The following NPAS2 variants were observed in gnomAD, a reference collection of about 807,000 sequenced individuals.
The protein encoded by NPAS2 is neuronal PAS domain-containing protein 2.
A neutral mutation model predicts 107.5 loss-of-function variants in NPAS2; 23 were observed. That is an observed-to-expected ratio of 0.21 (90% confidence interval 0.15 to 0.30). NPAS2 has a LOEUF of 0.30. Ranked by LOEUF, NPAS2 falls within the 10% of genes least tolerant of loss-of-function variation. The probability of loss-of-function intolerance (pLI) is 1.00; values close to 1 mark genes in which losing one functional copy is unlikely to be tolerated. For missense variants in NPAS2, 756 were observed against 1,043.3 expected, an observed-to-expected ratio of 0.72 and a Z score of 3.79; for synonymous variants, 403 against 417.5, an observed-to-expected ratio of 0.97 and a Z score of 0.42.
At chr2:100,845,023 G>A (rs1677686136) in intron 1 of NPAS2, among the ~76,000 whole-genome samples, 1 of 152,120 alleles carries the variant, frequency 6.6e-6, no homozygotes, top group African/African-American at 2.4e-5. Context: ...GGCAGGGGGT[G>A]GGAAAGCCTC....
chr2:100,826,200 T>A (rs1399504406), intron 1 of NPAS2, among the ~76,000 whole-genome samples: 1 of 152,164 alleles, frequency 6.6e-6, no homozygotes, highest in East Asian at 1.9e-4. Flanking sequence ...TCCCAGCACT[T>A]TGGGAGGCCG....
At chr2:100,964,582 G>T (rs974329874) in intron 8 of NPAS2, among the ~76,000 whole-genome samples, 2 of 152,172 alleles carry the variant, frequency 1.3e-5, no homozygotes, top group African/African-American at 4.8e-5. Flanking sequence ...TTCAGATTCC[G>T]ATGAAAAGCC....
At chr2:100,908,371 C>T (rs1052317924) in intron 2 of NPAS2, among the ~76,000 whole-genome samples, 2 of 152,088 alleles carry the variant, frequency 1.3e-5, no homozygotes, top group African/African-American at 4.8e-5. Context: ...ACAACACCTC[C>T]TCACAAAATA....
intron 16 of NPAS2, chr2:100,984,374 C>T (rs1321500260): frequency 6.6e-6 from 1 of 152,160 alleles, no homozygotes; most frequent in Non-Finnish European, 1.5e-5. Flanking sequence ...CCAGCCCACC[C>T]CCAAAAGTAG....
intron 2 of NPAS2, among the ~76,000 whole-genome samples, chr2:100,907,680 C>T (rs561620722): frequency 7.9e-5 from 12 of 152,260 alleles, no homozygotes; most frequent in African/African-American, 2.9e-4. Flanking sequence ...ACTCTCATTG[C>T]CTCCAGAAAA....
At chr2:100,922,209 G>A (rs916661843) in intron 2 of NPAS2, among the ~76,000 whole-genome samples, 1 of 152,146 alleles carries the variant, frequency 6.6e-6, no homozygotes, top group African/African-American at 2.4e-5. Flanking sequence ...CTTGATTTTG[G>A]TGGTAGTTAC....
intron 5 of NPAS2, among the ~76,000 whole-genome samples, chr2:100,939,560 T>C (rs1468753638): frequency 4.6e-5 from 7 of 152,068 alleles, no homozygotes; most frequent in Non-Finnish European, 7.4e-5. Flanking sequence ...GATCTGAGGG[T>C]GTCTGAGGAC....
At chr2:100,912,780 G>GT (rs1247170333) in intron 2 of NPAS2, among the ~76,000 whole-genome samples, 1 of 152,218 alleles carries the variant, frequency 6.6e-6, no homozygotes, top group African/African-American at 2.4e-5. Flanking sequence ...GCCAAACATT[G>GT]TCACTGCTGC....
rs1676159951 is a variant in NPAS2 at position 100,965,468 on chromosome 2, A to G, written c.801-192A>G. ...TATGCCAAGGGAAAGGAGTATCTAT[A>G]TGCCAAAAAAAAAAGCTGAGCCCTT... On this transcript the variant is annotated intron_variant, in intron 9 of 20. Coordinates refer to ENST00000335681, the MANE Select transcript of NPAS2 (RefSeq NM_002518.4). The surrounding 1 kb of genome is among the most constrained non-coding windows in gnomAD (Gnocchi z 4.3). Among the ~76,000 whole-genome samples, 1 of 65,998 alleles carries G rather than the reference A, an allele frequency of 1.5e-5. No homozygotes were observed. The highest frequency in any genetic ancestry group is 1.5e-4 in the Admixed American group (1 of 6,892). The allele number at this position is 65,998 out of a possible 152,430, so 43.3% of individuals were successfully genotyped here.
chr2:100,858,287 G>T (rs1678712043), intron 1 of NPAS2, among the ~76,000 whole-genome samples: 1 of 152,190 alleles, frequency 6.6e-6, no homozygotes, highest in Non-Finnish European at 1.5e-5. Flanking sequence ...GAAAGAAAGT[G>T]ATTTGCCAGG....
chr2:100,971,113 G>A, intron 12 of NPAS2, 39 bp downstream of exon 12: 1 of 1,593,790 alleles, frequency 6.3e-7, no homozygotes, highest in Non-Finnish European at 8.6e-7. Context: ...GCAAAGGTTG[G>A]CTAGGAAGAA....
chr2:100,822,678 CTTCT>C (rs1427784621), intron 1 of NPAS2: 4 of 152,132 alleles, frequency 2.6e-5, no homozygotes, highest in Admixed American at 6.5e-5. Context: ...AGGGCTAAGT[CTTCT>C]TTCTTAATTT....
rs182378033 is a variant in NPAS2, at chr2:100,965,122, A to G, written c.800+179A>G. ...GTTTCCCTCCAACTTCATCTGCCCC[A>G]TCGTGAATATGTTCTGTGTTTGGGT... On this transcript the variant is annotated intron_variant, in intron 9 of 20. Coordinates refer to ENST00000335681, the MANE Select transcript of NPAS2 (RefSeq NM_002518.4). This position sits in a 1 kb window ranked among gnomAD's most constrained non-coding sequence, Gnocchi z 4.3. 5.6e-4 allele frequency among the ~76,000 whole-genome samples: 86 copies of G among 152,228 alleles called. No homozygotes were observed. The highest frequency in any genetic ancestry group is 1.2e-3 in the South Asian group (6 of 4,814).
intron 1 of NPAS2, among the ~76,000 whole-genome samples, chr2:100,850,876 C>T (rs1400108544): frequency 1.4e-5 from 2 of 140,176 alleles, no homozygotes; most frequent in Non-Finnish European, 3.0e-5. Context: ...TCACTTGAAC[C>T]CAGGAGGTGG....
chr2:100,934,720 G>A (rs1478129029), intron 4 of NPAS2: 1 of 905,086 alleles, frequency 1.1e-6, no homozygotes, highest in East Asian at 1.2e-4. Flanking sequence ...GAGCCTTCTA[G>A]CATCTCCTCC....
chr2:100,972,704 C>G (rs1436727211), intron 12 of NPAS2: 2 of 152,204 alleles, frequency 1.3e-5, no homozygotes, highest in African/African-American at 2.4e-5. Context: ...CATTATGTAT[C>G]ACGTCATAGA....
At chr2:100,964,328 A>C in intron 8 of NPAS2, 152 bp downstream of exon 8, 1 of 688,334 alleles carries the variant, frequency 1.5e-6, no homozygotes, top group South Asian at 1.7e-5. Flanking sequence ...GTGCCTGCAC[A>C]CACGCCCTTT....
chr2:100,882,719 C>T (rs144167856), intron 1 of NPAS2, among the ~76,000 whole-genome samples: 7 of 152,330 alleles, frequency 4.6e-5, no homozygotes, highest in Non-Finnish European at 8.8e-5. Context: ...CAAAGCAAGG[C>T]GGCCCACTAG....
chr2:100,974,664 C>G, intron 12 of NPAS2, 139 bp from the exon 13 acceptor site: 1 of 926,488 alleles, frequency 1.1e-6, no homozygotes, highest in East Asian at 2.6e-5. Context: ...ACCCAAGCAT[C>G]TTTGGAATCG....
Sources: gnomAD v4.1 joint callset for allele counts (sites outside exome capture counted in the v4.1 genomes callset) on GRCh38, gnomAD v4.1.1 for gene constraint, Gnocchi (gnomAD v3.1) non-coding constraint, MANE v1.5 for transcripts, NCBI Gene and HGNC (gene_info 2026-07-23, HGNC 2026-07-21) for gene names.